Variants in SIPA1L3 observed in about 807,000 individuals in gnomAD.
The protein encoded by SIPA1L3 is signal-induced proliferation-associated 1-like protein 3.
Under a neutral mutation model 150.1 loss-of-function variants are expected in SIPA1L3, and 59 were observed. The ratio of observed to expected loss-of-function variants is 0.39; its 90% confidence interval spans 0.32 to 0.49. The LOEUF is 0.49. Among genes scored for constraint, SIPA1L3 ranks in the 20% least tolerant of loss-of-function variants. The pLI is 0.86. For missense variants in SIPA1L3, 2,211 were observed against 2,489.5 expected (o/e 0.89, Z 2.38); for synonymous variants, 1,070 against 1,077.6 (o/e 0.99, Z 0.14).
intron 1 of SIPA1L3, among the ~76,000 whole-genome samples, chr19:37,949,854 G>A (rs705499): frequency 0.38 from 57,458 of 151,848 alleles, 13,688 homozygotes; most frequent in East Asian, 0.71. Context: ...CAAGGCAGGC[G>A]GATCACAAGG....
chr19:37,983,766 C>T (rs980718197), intron 1 of SIPA1L3, among the ~76,000 whole-genome samples: 10 of 151,730 alleles, frequency 6.6e-5, no homozygotes, highest in East Asian at 1.9e-4. Context: ...ATTAGCTGGG[C>T]GTGGTGGCAT....
At chr19:38,143,631 C>T (rs968521776) in intron 12 of SIPA1L3, among the ~76,000 whole-genome samples, 7 of 151,236 alleles carry the variant, frequency 4.6e-5, no homozygotes, top group South Asian at 2.1e-4. Context: ...CTCCACCTCC[C>T]GGGTTCAAGT....
rs528477286 is a variant in SIPA1L3 at position 37,924,984 on chromosome 19, G to C, written c.-379+17626G>C. 2.0e-5 allele frequency among the ~76,000 whole-genome samples: 3 copies of C among 151,356 alleles called. No individual in the cohort carries two copies. The South Asian group carries it at 6.3e-4, about 32-fold the overall frequency. On this transcript the variant is annotated intron_variant, in intron 1 of 21. Coordinates refer to ENST00000222345, the MANE Select transcript of SIPA1L3 (RefSeq NM_015073.3). Reference sequence around the variant, plus strand: ...GAATTGCTTGAATCCAGGAGGCAGAGGTTGCAGTGAGCCGAGATCACACCA... The same window carrying C: ...GAATTGCTTGAATCCAGGAGGCAGACGTTGCAGTGAGCCGAGATCACACCA...
chr19:38,049,360 C>T (rs59393454), intron 2 of SIPA1L3, among the ~76,000 whole-genome samples: 2 of 152,244 alleles, frequency 1.3e-5, no homozygotes, highest in African/African-American at 4.8e-5. Context: ...CTCATTCTTT[C>T]GGTTTCTTCT....
rs1369064842 is a variant in SIPA1L3 at position 38,082,270 on chromosome 19, C to T, written c.705C>T (p.Cys235=). 2 of 1,600,298 alleles carry T rather than the reference C, an allele frequency of 1.2e-6. No homozygotes were observed. ...FRSEQPDARG[C]QALTELLRAD... ...GCGAGCAGCCCGACGCCCGAGGGTG[C>T]CAGGCCCTCACCGAGCTCCTCCGGG... Residue 235 remains cysteine, a synonymous_variant, in exon 3 of 22, where the codon TGC becomes TGT. Transcript: ENST00000222345.
intron 1 of SIPA1L3, among the ~76,000 whole-genome samples, chr19:37,987,810 C>T (rs142173564): frequency 6.6e-4 from 101 of 152,302 alleles, no homozygotes; most frequent in African/African-American, 2.3e-3. Flanking sequence ...GCCACTGTCC[C>T]GGCGCCTTTA....
intron 9 of SIPA1L3, among the ~76,000 whole-genome samples, chr19:38,120,835 G>C (rs1600098469): frequency 6.6e-6 from 1 of 152,240 alleles, no homozygotes; most frequent in East Asian, 1.9e-4. Flanking sequence ...AGAACACTGT[G>C]GTCAGTGATT....
At position 38,100,159 on chromosome 19, in the gene SIPA1L3, G is replaced by A; in HGVS notation, c.1854+9G>A. 2 of 1,541,756 alleles carry A rather than the reference G, an allele frequency of 1.3e-6. No individual in the cohort carries two copies. Among genetic ancestry groups the A allele is most frequent in the Non-Finnish European group, 1.7e-6 (2 of 1,145,286 alleles). On this transcript the variant is annotated intron_variant, in intron 5 of 21. Coordinates refer to ENST00000222345, the MANE Select transcript of SIPA1L3 (RefSeq NM_015073.3). ...AGCTCGATGAGCAAGGGGTGAGTCA[G>A]GGGCTGGAGGTGGGGGTGCTGCTGG...
intron 20 of SIPA1L3, among the ~76,000 whole-genome samples, 167 bp downstream of exon 20, chr19:38,202,164 T>C (rs1973101701): frequency 6.6e-6 from 1 of 152,218 alleles, no homozygotes; most frequent in Non-Finnish European, 1.5e-5. Flanking sequence ...GTCATTACAC[T>C]GCACCTGTCT....
In SIPA1L3 at chr19:37,909,357, G is replaced by A. The variant is rs919332872; in HGVS notation, c.-379+1999G>A. Among the ~76,000 whole-genome samples, 13 of 151,718 alleles carry A rather than the reference G, an allele frequency of 8.6e-5. No homozygotes were observed. In the East Asian group the frequency reaches 1.5e-3, roughly 18 times the overall value. ...TGAGTAGCTGGGATTACAGGTGCCC[G>A]CCACCACACGTGGTTAGTTTTTTTT... On this transcript the variant is annotated intron_variant, in intron 1 of 21. Coordinates refer to ENST00000222345, the MANE Select transcript of SIPA1L3 (RefSeq NM_015073.3).
chr19:38,002,366 C>T (rs1417399182), intron 1 of SIPA1L3, among the ~76,000 whole-genome samples: 2 of 152,056 alleles, frequency 1.3e-5, no homozygotes, highest in Non-Finnish European at 2.9e-5. Context: ...TTGTATATAT[C>T]AGAATTTCCT....
At chr19:38,195,770 G>A (rs1972908371) in intron 18 of SIPA1L3, among the ~76,000 whole-genome samples, 1 of 131,426 alleles carries the variant, frequency 7.6e-6, no homozygotes, top group Admixed American at 7.8e-5. Context: ...ACCAGGCTGA[G>A]TCAGGCACCA....
At chr19:38,141,019 C>T (rs1971565149) in intron 10 of SIPA1L3, among the ~76,000 whole-genome samples, 165 bp from the exon 11 acceptor site, 1 of 142,428 alleles carries the variant, frequency 7.0e-6, no homozygotes, top group Non-Finnish European at 1.5e-5. Flanking sequence ...CATCATGCCG[C>T]TGTACTCCAG....
intron 5 of SIPA1L3, 135 bp from the exon 6 acceptor site, chr19:38,100,915 CCT>C (rs1197606823): frequency 1.0e-6 from 1 of 958,958 alleles, no homozygotes; most frequent in African/African-American, 1.7e-5. Context: ...ACTGTTTTCC[CCT>C]GTCTGGCTAT....
chr19:37,910,128 T>C (rs528691309), intron 1 of SIPA1L3, among the ~76,000 whole-genome samples: 1 of 152,300 alleles, frequency 6.6e-6, no homozygotes, highest in South Asian at 2.1e-4. Flanking sequence ...GGTGCCTCAT[T>C]TTTTTGCTGT....
intron 1 of SIPA1L3, among the ~76,000 whole-genome samples, chr19:38,018,020 C>T (rs1968277925): frequency 6.6e-6 from 1 of 152,116 alleles, no homozygotes; most frequent in South Asian, 2.1e-4. Context: ...AGCCATCCAG[C>T]CACATGGGCT....
chr19:38,173,197 G>A (rs1323828926), intron 15 of SIPA1L3, among the ~76,000 whole-genome samples: 2 of 152,272 alleles, frequency 1.3e-5, no homozygotes, highest in African/African-American at 2.4e-5. Context: ...GGGGGAGGAT[G>A]GTGGTCAGCA....
intron 9 of SIPA1L3, among the ~76,000 whole-genome samples, chr19:38,121,474 C>T (rs545606033): frequency 1.3e-5 from 2 of 151,482 alleles, no homozygotes; most frequent in East Asian, 3.9e-4. Flanking sequence ...GGCGTGGTGG[C>T]TCACGCCTGT....
intron 1 of SIPA1L3, among the ~76,000 whole-genome samples, chr19:37,969,991 T>C (rs1229831517): frequency 6.6e-6 from 1 of 152,214 alleles, no homozygotes; most frequent in African/African-American, 2.4e-5. Flanking sequence ...AGACCTGTTA[T>C]TTATTTATTT....
Sources: allele counts gnomAD v4.1 joint callset (sites outside exome capture counted in the v4.1 genomes callset), GRCh38; gene constraint gnomAD v4.1.1; transcripts MANE v1.5; gene names NCBI Gene and HGNC (gene_info 2026-07-23, HGNC 2026-07-21).